CEP63: variants seen among roughly 807,000 people sequenced by gnomAD.
CEP63 encodes centrosomal protein 63.
In CEP63, 84 loss-of-function variants were observed where a neutral mutation model predicts 89.1. That is an observed-to-expected ratio of 0.94 (90% CI 0.79 to 1.13). CEP63 has a LOEUF of 1.13. CEP63 is among the 50% of genes most tolerant of loss of function. CEP63 has a pLI of 0.00. For synonymous variants in CEP63, 267 were observed against 272.5 expected (o/e 0.98, Z 0.20); for missense variants, 838 against 813.3 (o/e 1.03, Z -0.37).
chr3:134,645,707 C>A, the CEP63 span, among the ~76,000 whole-genome samples: 2 of 152,154 alleles, frequency 1.3e-5, no homozygotes, highest in Non-Finnish European at 2.9e-5. Flanking sequence ...TCTGTCCAGC[C>A]CTGCATTTAC....
In CEP63 at chr3:134,564,490, TTCTG is replaced by T. The variant is rs1244424240; in HGVS notation, c.*2959_*2962del. On this transcript the variant is annotated 3_prime_UTR_variant, in exon 15 of 15. Coordinates refer to ENST00000675561, the MANE Select transcript of CEP63 (RefSeq NM_001353108.3). Reference sequence around the variant, plus strand: ...ACCAGACTTTGCTATCCGCTTTGATTTCTGTCTTTCAGGGGCTAAGTCCTGCCTA... The same window carrying T: ...ACCAGACTTTGCTATCCGCTTTGATTTCTTTCAGGGGCTAAGTCCTGCCTA... 1.0e-6 allele frequency: 1 copy of T among 985,364 alleles called. No individual in the cohort carries two copies. The highest frequency in any genetic ancestry group is 1.2e-6 in the Non-Finnish European group (1 of 829,970). 61.0% of individuals were successfully genotyped at this position (985,364 alleles called of 1,614,324 possible).
At chr3:134,701,328 A>G in the CEP63 span, among the ~76,000 whole-genome samples, 1 of 85,328 alleles carries the variant, frequency 1.2e-5, no homozygotes, top group African/African-American at 4.0e-5. Flanking sequence ...ATATATACAT[A>G]TACACACACA....
At chr3:134,584,057 C>G (rs572205472) in intron 10 of CEP63, among the ~76,000 whole-genome samples, 3 of 152,190 alleles carry the variant, frequency 2.0e-5, no homozygotes, top group African/African-American at 7.2e-5. Context: ...AGTTGCTTAT[C>G]AGCTTAAGGA....
intron 5 of CEP63, chr3:134,535,530 C>T (rs1363673383): frequency 6.6e-6 from 1 of 151,048 alleles, no homozygotes; most frequent in Non-Finnish European, 1.5e-5. Flanking sequence ...CGCTCACTCC[C>T]CTATTGATCC....
chr3:134,555,523 A>G (rs1577376506), intron 12 of CEP63, among the ~76,000 whole-genome samples: 1 of 151,398 alleles, frequency 6.6e-6, no homozygotes, highest in African/African-American at 2.4e-5. Context: ...CCCATTCACA[A>G]TTGCTTCAAA....
At chr3:134,699,715 C>A in the CEP63 span, among the ~76,000 whole-genome samples, 1 of 152,206 alleles carries the variant, frequency 6.6e-6, no homozygotes, top group African/African-American at 2.4e-5. Context: ...CCAATCTCAG[C>A]TCATAATTTC....
intron 12 of CEP63, 143 bp downstream of exon 12, chr3:134,552,155 A>G (rs1009328296): frequency 1.3e-5 from 7 of 523,376 alleles, no homozygotes; most frequent in Admixed American, 3.4e-5. Flanking sequence ...AGGTAAAACA[A>G]TACTGGAAGT....
Position 134,545,811 on chromosome 3 carries a change from C to CCTAA in CEP63, c.781_782insCTAA (p.Leu261ProfsTer26), listed in dbSNP as rs1953164170. 6.2e-7 allele frequency: 1 copy of CCTAA among 1,609,148 alleles called. No homozygotes were observed. The highest frequency in any genetic ancestry group is 1.1e-5 in the South Asian group (1 of 90,866). On this transcript the variant is annotated frameshift_variant, in exon 7 of 15. Coordinates refer to ENST00000675561, the MANE Select transcript of CEP63 (RefSeq NM_001353108.3). LOFTEE classifies it high-confidence loss of function. The stretch of plus-strand genomic sequence containing the variant: ...AGAAAAATTGAGGGAATCTGAAAAA[C>CCTAA]TATTAGAGGTATGTTTTAAAATCAC...
intron 3 of CEP63, among the ~76,000 whole-genome samples, chr3:134,527,391 T>C (rs1948878233): frequency 6.6e-6 from 1 of 152,080 alleles, no homozygotes; most frequent in Admixed American, 6.6e-5. Context: ...GTTTCACTCC[T>C]GCGGCAGTGT....
At chr3:134,747,598 C>T in the CEP63 span, among the ~76,000 whole-genome samples, 22 of 152,302 alleles carry the variant, frequency 1.4e-4, no homozygotes, top group Admixed American at 7.8e-4. Flanking sequence ...GACAGTCCCA[C>T]CTTTAGTGCA....
chr3:134,554,805 G>T (rs1955792190), intron 12 of CEP63, among the ~76,000 whole-genome samples: 1 of 152,118 alleles, frequency 6.6e-6, no homozygotes, highest in Non-Finnish European at 1.5e-5. Flanking sequence ...ATCTCATTGT[G>T]GTTTTGATTT....
chr3:134,688,530 CTG>C, the CEP63 span, among the ~76,000 whole-genome samples: 1 of 152,172 alleles, frequency 6.6e-6, no homozygotes, highest in Non-Finnish European at 1.5e-5. Flanking sequence ...GGTACATAAA[CTG>C]TAGCTCAATG....
chr3:134,685,202 CA>C, the CEP63 span, among the ~76,000 whole-genome samples: 1 of 152,092 alleles, frequency 6.6e-6, no homozygotes, highest in Non-Finnish European at 1.5e-5. Flanking sequence ...TCATGCCAAA[CA>C]TCTTATTCAT....
chr3:134,734,513 T>A, the CEP63 span, among the ~76,000 whole-genome samples: 1 of 152,152 alleles, frequency 6.6e-6, no homozygotes, highest in Non-Finnish European at 1.5e-5. Flanking sequence ...AAGTAAACAA[T>A]ATTATTAATT....
chr3:134,764,385 A>G, the CEP63 span, among the ~76,000 whole-genome samples: 45 of 152,254 alleles, frequency 3.0e-4, no homozygotes, highest in African/African-American at 8.7e-4. Context: ...TGTAGCACTA[A>G]CTTGTGTTTT....
At chr3:134,538,439 A>C (rs1272436052) in intron 6 of CEP63, among the ~76,000 whole-genome samples, 7 of 148,856 alleles carry the variant, frequency 4.7e-5, no homozygotes, top group East Asian at 2.0e-4. Context: ...CTGTGCAGCC[A>C]GACAGACCAG....
intron 7 of CEP63, 124 bp from the exon 8 acceptor site, chr3:134,546,025 T>C: frequency 2.8e-6 from 3 of 1,077,936 alleles, no homozygotes; most frequent in Non-Finnish European, 4.1e-6. Context: ...ATAGTCTGAC[T>C]TCCTGGCTTC....
At chr3:134,781,001 G>A in the CEP63 span, among the ~76,000 whole-genome samples, 2 of 152,144 alleles carry the variant, frequency 1.3e-5, no homozygotes, top group Admixed American at 6.5e-5. Flanking sequence ...TCTTGGCAAC[G>A]CTTATTGAAT....
At chr3:134,529,868 A>T (rs1227489241) in intron 3 of CEP63, among the ~76,000 whole-genome samples, 64 of 103,138 alleles carry the variant, frequency 6.2e-4, no homozygotes, top group Admixed American at 2.7e-3. Context: ...AGGTTAAGAA[A>T]TTTTTTTTTT....
Sources: allele counts gnomAD v4.1 joint callset (sites outside exome capture counted in the v4.1 genomes callset), GRCh38; gene constraint gnomAD v4.1.1; transcripts MANE v1.5; gene names NCBI Gene and HGNC (gene_info 2026-07-23, HGNC 2026-07-21).